The following PCSK9 variants were observed in gnomAD, a reference collection of about 807,000 sequenced individuals.
PCSK9 encodes the protein convertase subtilisin/kexin type 9 preproprotein.
In PCSK9, 57 loss-of-function variants were observed where a neutral mutation model predicts 62.1. The observed-to-expected ratio is 0.92, with a 90% CI of 0.74 to 1.14. The LOEUF is 1.14. Among genes scored for constraint, PCSK9 ranks in the 50% most tolerant of loss-of-function variants. PCSK9 has a pLI of 0.00. For synonymous variants in PCSK9, 387 were observed against 409.4 expected (o/e 0.95, Z 0.66); for missense variants, 870 against 959.8 (o/e 0.91, Z 1.24).
rs141135099 is a variant in PCSK9, at chr1:55,052,280, G to A, written c.526G>A (p.Gly176Arg). 32 of 1,614,024 alleles carry A rather than the reference G, an allele frequency of 2.0e-5. No homozygotes were observed. The highest frequency in any genetic ancestry group is 8.9e-5 in the East Asian group (4 of 44,876). Residue 176 changes from glycine (G) to arginine (R), a missense_variant and splice_region_variant, in exon 4 of 12, where the codon GGA (glycine) becomes AGA (arginine). Coordinates refer to ENST00000302118, the MANE Select transcript of PCSK9 (RefSeq NM_174936.4). ...YRADEYQPPD[G>R]GSLVEVYLLD... ...CCCACAAATGTCGCCTTGGAAAGAC[G>A]GAGGCAGCCTGGTGGAGGTGTATCT...
intron 2 of PCSK9, among the ~76,000 whole-genome samples, chr1:55,045,453 C>T (rs189101152): frequency 3.9e-5 from 6 of 152,276 alleles, no homozygotes; most frequent in South Asian, 2.1e-4. Context: ...ATGCTAGGTA[C>T]GGAAACTCGC....
rs1307302473 is a variant in PCSK9 at position 55,056,161 on chromosome 1, G to C, written c.968G>C (p.Cys323Ser). 1 of 1,521,392 alleles carries C rather than the reference G, an allele frequency of 6.6e-7. No individual in the cohort carries two copies. Among genetic ancestry groups the C allele is most frequent in the South Asian group, 1.3e-5 (1 of 79,596 alleles). The allele number at this position is 1,521,392 out of a possible 1,614,324, so 94.2% of individuals were successfully genotyped here. A position where few individuals can be genotyped will look rare whatever the true frequency, so the allele number is the denominator to read the frequency against. Reference protein sequence around the residue: ...TAAGNFRDDACLYSPASAPEV... With the variant: ...TAAGNFRDDASLYSPASAPEV... ...GCCGGCAACTTCCGGGACGATGCCT[G>C]CCTCTACTCCCCAGCCTCAGCTCCC... is the stretch of plus-strand genomic sequence containing the variant. The change falls in exon 6 of 12, where the codon TGC becomes TCC. Residue 323 changes from cysteine (C) to serine (S), a missense_variant. Transcript: ENST00000302118.
In PCSK9 at chr1:55,058,189, C is replaced by T. The variant is rs769060209; in HGVS notation, c.1334C>T (p.Pro445Leu). The T allele has an allele frequency of 5.6e-6, 9 of 1,612,962 alleles. No homozygotes were observed. Among genetic ancestry groups the T allele is most frequent in the South Asian group, 4.4e-5 (4 of 91,076 alleles). The change falls in exon 8 of 12, where the codon CCC (proline) becomes CTC (leucine). Residue 445 changes from proline to leucine, a missense_variant. Coordinates refer to ENST00000302118, the MANE Select transcript of PCSK9 (RefSeq NM_174936.4). Reference protein sequence around the residue: ...VLTPNLVAALPPSTHGAGWQL... With the variant: ...VLTPNLVAALLPSTHGAGWQL... ...ACCCCCAACCTGGTGGCCGCCCTGC[C>T]CCCCAGCACCCATGGGGCAGGTAAG...
chr1:55,047,790 C>T (rs1644644683), intron 3 of PCSK9, among the ~76,000 whole-genome samples: 1 of 152,198 alleles, frequency 6.6e-6, no homozygotes, highest in Admixed American at 6.5e-5. Context: ...GTCATGTGTG[C>T]TGACCCGGCC....
At chr1:55,050,541 G>T (rs1490468295) in intron 3 of PCSK9, among the ~76,000 whole-genome samples, 1 of 152,220 alleles carries the variant, frequency 6.6e-6, no homozygotes, top group Non-Finnish European at 1.5e-5. Flanking sequence ...GACTGCCAAG[G>T]ACCTGCTCAG....
intron 9 of PCSK9, 112 bp from the exon 10 acceptor site, chr1:55,059,373 TG>T: frequency 7.4e-7 from 1 of 1,355,014 alleles, no homozygotes; most frequent in Non-Finnish European, 1.0e-6. Context: ...TGGGTCTGGC[TG>T]GCCCCTGGCA....
chr1:55,061,812 A>G (rs1318046767), intron 11 of PCSK9, among the ~76,000 whole-genome samples: 2 of 152,226 alleles, frequency 1.3e-5, no homozygotes, highest in African/African-American at 4.8e-5. Flanking sequence ...TAGAATGTGC[A>G]TAAATATGGC....
Position 55,063,421 on chromosome 1 carries a change from C to T in PCSK9, c.1916C>T (p.Pro639Leu), listed in dbSNP as rs1295327841. 8.1e-6 allele frequency: 13 copies of T among 1,613,830 alleles called. No individual in the cohort carries two copies. Among genetic ancestry groups the T allele is most frequent in the Admixed American group, 1.7e-5 (1 of 59,990 alleles). Residue 639 changes from proline to leucine, a missense_variant, in exon 12 of 12, where the codon CCT becomes CTT. By Grantham distance (98) the Pro-to-Leu change is moderately conservative. Coordinates refer to ENST00000302118, the MANE Select transcript of PCSK9 (RefSeq NM_174936.4). Reference sequence around the variant, plus strand: ...ACCCTGACTGGCTGCAGTGCCCTCCCTGGGACCTCCCACGTCCTGGGGGCC... The same window carrying T: ...ACCCTGACTGGCTGCAGTGCCCTCCTTGGGACCTCCCACGTCCTGGGGGCC... The part of the protein sequence containing the change: ...GWTLTGCSAL[P>L]GTSHVLGAYA...
intron 9 of PCSK9, among the ~76,000 whole-genome samples, chr1:55,059,011 G>A (rs1644739598): frequency 6.6e-6 from 1 of 152,218 alleles, no homozygotes; most frequent in African/African-American, 2.4e-5. Flanking sequence ...GTGCTCCATG[G>A]TTCTGGGAGC....
rs1644722637 is a variant in PCSK9 at position 55,057,325 on chromosome 1, T to C, written c.997-6T>C. 1 of 1,613,422 alleles carries C rather than the reference T, an allele frequency of 6.2e-7. No homozygotes were observed. The highest frequency in any genetic ancestry group is 2.2e-5 in the East Asian group (1 of 44,868). ...TTCTCTGCCACCCACCTCCTCACCT[T>C]TCCAGGTCATCACAGTTGGGGCCAC... is the stretch of plus-strand genomic sequence containing the variant. On this transcript the variant is annotated splice_region_variant and splice_polypyrimidine_tract_variant and intron_variant, in intron 6 of 11. Transcript: ENST00000302118.
intron 1 of PCSK9, among the ~76,000 whole-genome samples, chr1:55,041,124 T>G (rs1644595737): frequency 6.6e-6 from 1 of 152,150 alleles, no homozygotes; most frequent in Non-Finnish European, 1.5e-5. Context: ...GAAGGGAAAG[T>G]TCTGTTGACC....
intron 6 of PCSK9, 97 bp from the exon 7 acceptor site, chr1:55,057,234 A>G: frequency 7.0e-7 from 1 of 1,427,958 alleles, no homozygotes; most frequent in Non-Finnish European, 9.8e-7. Context: ...AAACAGGTGT[A>G]TAGCAGTTGT....
At position 55,039,652 on chromosome 1, in the gene PCSK9, G is replaced by C; in HGVS notation, c.-186G>C. On this transcript the variant is annotated 5_prime_UTR_variant, in exon 1 of 12. Coordinates refer to ENST00000302118, the MANE Select transcript of PCSK9 (RefSeq NM_174936.4). Reference sequence around the variant, plus strand: ...AGTGAGACTGGCTCGGGCGGGCCGGGACGCGTCGTTGCAGCAGCGGCTCCC... The same window carrying C: ...AGTGAGACTGGCTCGGGCGGGCCGGCACGCGTCGTTGCAGCAGCGGCTCCC... 1.4e-6 allele frequency: 1 copy of C among 695,730 alleles called. No individual in the cohort carries two copies. Among genetic ancestry groups the C allele is most frequent in the African/African-American group, 1.8e-5 (1 of 56,048 alleles). The allele number at this position is 695,730 out of a possible 1,614,324, so 43.1% of individuals were successfully genotyped here.
At chr1:55,059,258 A>G (rs1644741000) in intron 9 of PCSK9, among the ~76,000 whole-genome samples, 2 of 152,258 alleles carry the variant, frequency 1.3e-5, no homozygotes, top group South Asian at 4.1e-4. Context: ...CTCTATCTCC[A>G]TTTTGAAACC....
chr1:55,045,699 A>ATT (rs373507733), intron 2 of PCSK9, among the ~76,000 whole-genome samples: 14 of 139,854 alleles, frequency 1.0e-4, no homozygotes, highest in African/African-American at 1.6e-4. Context: ...GATGCACACC[A>ATT]TTTTTTTTTT....
chr1:55,041,514 A>C (rs1336755007), intron 1 of PCSK9, among the ~76,000 whole-genome samples: 1 of 152,214 alleles, frequency 6.6e-6, no homozygotes, highest in Non-Finnish European at 1.5e-5. Context: ...ACCTGAACCA[A>C]GCCCTTGAGG....
chr1:55,052,380 C>T lies in PCSK9; in HGVS notation c.626C>T (p.Pro209Leu), dbSNP rs1570301185. The change falls in exon 4 of 12, where the codon CCC (proline) becomes CTC (leucine). Residue 209 changes from proline to leucine, a missense_variant. Physicochemically the swap from Pro to Leu is moderately conservative, Grantham distance 98. Coordinates refer to ENST00000302118, the MANE Select transcript of PCSK9 (RefSeq NM_174936.4). ...ATGGTCACCGACTTCGAGAATGTGC[C>T]CGAGGAGGACGGGACCCGCTTCCAC... is the stretch of plus-strand genomic sequence containing the variant. The part of the protein sequence containing the change: ...RVMVTDFENV[P>L]EEDGTRFHRQ... The T allele has an allele frequency of 1.2e-6, 2 of 1,613,770 alleles. No individual in the cohort carries two copies. Among genetic ancestry groups the T allele is most frequent in the East Asian group, 4.5e-5 (2 of 44,866 alleles).
rs572643297 is a variant in PCSK9, at chr1:55,052,526, A to G, written c.657+115A>G. 750 of 1,569,544 alleles carry G rather than the reference A, an allele frequency of 4.8e-4. 4 individuals are homozygous for G. The African/African-American group carries it at 8.8e-3, about 18-fold the overall frequency. ...TGTACTCCTGGGTTGCACCCCCCCC[A>G]GCTGTCACTGTCCCCTCCCTGCCAT... On this transcript the variant is annotated intron_variant, in intron 4 of 11. Coordinates refer to ENST00000302118, the MANE Select transcript of PCSK9 (RefSeq NM_174936.4).
Position 55,039,656 on chromosome 1 carries a change from C to T in PCSK9, c.-182C>T. The stretch of plus-strand genomic sequence containing the variant: ...AGACTGGCTCGGGCGGGCCGGGACG[C>T]GTCGTTGCAGCAGCGGCTCCCAGCT... On this transcript the variant is annotated 5_prime_UTR_variant, in exon 1 of 12. Transcript: ENST00000302118. 1 of 704,212 alleles carries T rather than the reference C, an allele frequency of 1.4e-6. No homozygotes were observed. The highest frequency in any genetic ancestry group is 2.7e-5 in the Admixed American group (1 of 37,538). The allele number at this position is 704,212 out of a possible 1,614,324, so 43.6% of individuals were successfully genotyped here.
Sources: allele counts gnomAD v4.1 joint callset (sites outside exome capture counted in the v4.1 genomes callset), GRCh38; gene constraint gnomAD v4.1.1; transcripts MANE v1.5; gene names NCBI Gene and HGNC (gene_info 2026-07-23, HGNC 2026-07-21).